Variants in DCD observed in about 807,000 individuals in gnomAD.
The protein encoded by DCD is dermcidin, also known as diffusible survival/evasion peptide.
Under a neutral mutation model 14.5 loss-of-function variants are expected in DCD, and 17 were observed. The observed-to-expected ratio is 1.18, with a 90% CI of 0.81 to 1.76. The LOEUF (loss-of-function observed/expected upper bound fraction) is 1.76, where lower values mean the gene tolerates loss of function less well. DCD is among the 40% of genes most tolerant of loss of function. The pLI is 0.00. For missense variants in DCD, 139 were observed against 133.4 expected (o/e 1.04, Z -0.21); for synonymous variants, 64 against 54.0 (o/e 1.19, Z -0.82).
Position 54,644,624 on chromosome 12 carries a change from ATTTT to A in DCD, c.*85_*88del, listed in dbSNP as rs11338265. 834 of 649,628 alleles carry A rather than the reference ATTTT, an allele frequency of 1.3e-3. No individual in the cohort carries two copies. Among genetic ancestry groups the A allele is most frequent in the Non-Finnish European group, 1.5e-3 (600 of 393,732 alleles). The allele number at this position is 649,628 out of a possible 1,614,324, so 40.2% of individuals were successfully genotyped here. A position where few individuals can be genotyped will look rare whatever the true frequency, so the allele number is the denominator to read the frequency against. On this transcript the variant is annotated 3_prime_UTR_variant, in exon 5 of 5. Coordinates refer to ENST00000293371, the MANE Select transcript of DCD (RefSeq NM_053283.4). Reference sequence around the variant, plus strand: ...GCTTTCAGTTTAATAGCTGTTTTAAATTTTTTTTTTTTTTTTTTTTTTTAGGTTT... The same window carrying A: ...GCTTTCAGTTTAATAGCTGTTTTAAATTTTTTTTTTTTTTTTTTTAGGTTT...
In DCD at chr12:54,648,291, T is replaced by G; in HGVS notation, c.13A>C (p.Thr5Pro). The change falls in exon 1 of 5, where the codon ACT becomes CCT. Residue 5 changes from threonine to proline, a missense_variant. Physicochemically the swap from Thr to Pro is conservative, Grantham distance 38. Transcript: ENST00000293371. Reference protein sequence around the residue: MRFMTLLFLTALAGA... With the variant: MRFMPLLFLTALAGA... ...GCCAGAGCTGTCAGGAAGAGGAGAG[T>G]CATGAACCTCATGCTTCTGTGTGCT... is the stretch of plus-strand genomic sequence containing the variant. 6.2e-7 allele frequency: 1 copy of G among 1,613,226 alleles called. No homozygotes were observed. The highest frequency in any genetic ancestry group is 8.5e-7 in the Non-Finnish European group (1 of 1,179,776).
chr12:54,648,002 T>C (rs1332448734), intron 1 of DCD, among the ~76,000 whole-genome samples: 1 of 152,122 alleles, frequency 6.6e-6, no homozygotes. Flanking sequence ...CCAGAGTGGT[T>C]GGAGCAGAGT....
In DCD at chr12:54,647,137, G is replaced by T; in HGVS notation, c.81C>A (p.Ala27=). 1 of 1,562,394 alleles carries T rather than the reference G, an allele frequency of 6.4e-7. No individual in the cohort carries two copies. The highest frequency in any genetic ancestry group is 2.4e-5 in the East Asian group (1 of 42,068). ...VCAYDPEAAS[A]PGSGNPCHEA... ...AGGACTCACGGTTCCCCGATCCTGGGGCAGAGGCGGCCTCTGGATCATCTG... is the reference window on the plus strand; with the variant it reads ...AGGACTCACGGTTCCCCGATCCTGGTGCAGAGGCGGCCTCTGGATCATCTG... The change falls in exon 2 of 5, where the codon GCC becomes GCA. Residue 27 remains alanine (A), a synonymous_variant. Coordinates refer to ENST00000293371, the MANE Select transcript of DCD (RefSeq NM_053283.4).
Position 54,645,711 on chromosome 12 carries a change from C to G in DCD, c.98-4G>C. On this transcript the variant is annotated splice_region_variant and splice_polypyrimidine_tract_variant and intron_variant, in intron 2 of 4. Coordinates refer to ENST00000293371, the MANE Select transcript of DCD (RefSeq NM_053283.4). ...GCTGCTGATGCTTCATGGCAAGCTGCAAGGGTAAGGGAGTGAGAGGAATAA... is the reference window on the plus strand; with the variant it reads ...GCTGCTGATGCTTCATGGCAAGCTGGAAGGGTAAGGGAGTGAGAGGAATAA... The G allele has an allele frequency of 6.2e-7, 1 of 1,613,092 alleles. No individual in the cohort carries two copies. The highest frequency in any genetic ancestry group is 8.5e-7 in the Non-Finnish European group (1 of 1,179,118).
chr12:54,647,764 C>T (rs936367627), intron 1 of DCD, among the ~76,000 whole-genome samples: 2 of 152,050 alleles, frequency 1.3e-5, no homozygotes, highest in Non-Finnish European at 2.9e-5. Flanking sequence ...AGGAAAAATA[C>T]AGGAGGCAAG....
At position 54,644,645 on chromosome 12, in the gene DCD, TTTA is replaced by T; in HGVS notation, c.*65_*67del. The T allele has an allele frequency of 2.2e-5, 23 of 1,049,552 alleles. No homozygotes were observed. The highest frequency in any genetic ancestry group is 6.4e-5 in the South Asian group (4 of 62,292). The allele number at this position is 1,049,552 out of a possible 1,614,324, so 65.0% of individuals were successfully genotyped here. On this transcript the variant is annotated 3_prime_UTR_variant, in exon 5 of 5. Coordinates refer to ENST00000293371, the MANE Select transcript of DCD (RefSeq NM_053283.4). Reference sequence around the variant, plus strand: ...TTAAATTTTTTTTTTTTTTTTTTTTTTTAGGTTTTAGGCTGAAGACGTAAAGCC... The same window carrying T: ...TTAAATTTTTTTTTTTTTTTTTTTTTGGTTTTAGGCTGAAGACGTAAAGCC...
chr12:54,645,053 G>A, intron 4 of DCD, 120 bp downstream of exon 4: 1 of 1,482,840 alleles, frequency 6.7e-7, no homozygotes, highest in Non-Finnish European at 9.3e-7. Context: ...TGAGGAATTG[G>A]AGACATTTGA....
intron 2 of DCD, among the ~76,000 whole-genome samples, chr12:54,646,567 G>T (rs1958262884): frequency 2.6e-5 from 4 of 152,134 alleles, no homozygotes. Context: ...ACAGGTAGGG[G>T]TTGAAAAGGT....
At position 54,645,673 on chromosome 12, in the gene DCD, A is replaced by C. The variant is rs1324484181; in HGVS notation, c.132T>G (p.Asn44Lys). ...TGGCTAACCCTGGGTCTTCACCTGC[A>C]TTTTCCTTTTGAGCTGCTGATGCTT... ...CHEASAAQKE[N>K]AGEDPGLARQ... Residue 44 changes from asparagine to lysine, a missense_variant, in exon 3 of 5, where the codon AAT becomes AAG. Physicochemically the swap from Asn to Lys is moderately conservative, Grantham distance 94. Transcript: ENST00000293371. The C allele has an allele frequency of 6.2e-6, 10 of 1,613,988 alleles. No homozygotes were observed. The highest frequency in any genetic ancestry group is 1.3e-5 in the African/African-American group (1 of 74,898).
At chr12:54,647,082 C>A in intron 2 of DCD, 39 bp downstream of exon 2, 1 of 1,547,648 alleles carries the variant, frequency 6.5e-7, no homozygotes, top group East Asian at 2.4e-5. Flanking sequence ...ATTAACCCTC[C>A]CACCCAGGAC....
chr12:54,645,273 T>C lies in DCD; in HGVS notation c.200-11A>G. On this transcript the variant is annotated splice_polypyrimidine_tract_variant and intron_variant, in intron 3 of 4. Transcript: ENST00000293371. ...CGTCTAGGCCTTTTTCTAGGGTGGA[T>C]TCAGAAAAGAAGAGGTCATAGAAGC... 6 of 1,613,142 alleles carry C rather than the reference T, an allele frequency of 3.7e-6. No homozygotes were observed. The highest frequency in any genetic ancestry group is 5.1e-6 in the Non-Finnish European group (6 of 1,179,160).
intron 1 of DCD, 40 bp from the exon 2 acceptor site, chr12:54,647,199 A>T (rs758046635): frequency 1.9e-6 from 3 of 1,549,690 alleles, no homozygotes; most frequent in Non-Finnish European, 2.6e-6. Flanking sequence ...AGTAGGGCAC[A>T]GTTGCATGAG....
In DCD at chr12:54,645,716, G is replaced by T. The variant is rs1385145652; in HGVS notation, c.98-9C>A. On this transcript the variant is annotated splice_polypyrimidine_tract_variant and intron_variant, in intron 2 of 4. Coordinates refer to ENST00000293371, the MANE Select transcript of DCD (RefSeq NM_053283.4). Reference sequence around the variant, plus strand: ...TGATGCTTCATGGCAAGCTGCAAGGGTAAGGGAGTGAGAGGAATAATAGCT... The same window carrying T: ...TGATGCTTCATGGCAAGCTGCAAGGTTAAGGGAGTGAGAGGAATAATAGCT... The T allele has an allele frequency of 6.2e-7, 1 of 1,611,164 alleles. No homozygotes were observed. Among genetic ancestry groups the T allele is most frequent in the Non-Finnish European group, 8.5e-7 (1 of 1,177,344 alleles).
At chr12:54,645,021 A>T in intron 4 of DCD, 152 bp downstream of exon 4, 1 of 1,503,430 alleles carries the variant, frequency 6.7e-7, no homozygotes, top group Non-Finnish European at 9.1e-7. Context: ...ATATCAGACA[A>T]GAATGGCAAT....
rs754463683 is a variant in DCD, at chr12:54,645,230, C to T, written c.232G>A (p.Gly78Arg). 5 of 1,613,952 alleles carry T rather than the reference C, an allele frequency of 3.1e-6. No individual in the cohort carries two copies. The highest frequency in any genetic ancestry group is 2.7e-5 in the African/African-American group (2 of 74,884). ...KGLDGAKKAV[G>R]GLGKLGKDAV... ...TCTTTTCCTAGTTTTCCGAGTCCCC[C>T]CACAGCTTTTTTTGCTCCGTCTAGG... The change falls in exon 4 of 5, where the codon GGG becomes AGG. Residue 78 changes from glycine (G) to arginine (R), a missense_variant. By Grantham distance (125) the Gly-to-Arg change is moderately radical. Transcript: ENST00000293371.
At chr12:54,644,876 G>T (rs938273257) in intron 4 of DCD, 120 bp from the exon 5 acceptor site, 11 of 1,551,060 alleles carry the variant, frequency 7.1e-6, no homozygotes, top group Non-Finnish European at 8.7e-6. Context: ...AGGCCTGGAG[G>T]TGCTTACACA....
chr12:54,646,443 TG>T (rs1376183347), intron 2 of DCD, among the ~76,000 whole-genome samples: 1 of 151,948 alleles, frequency 6.6e-6, no homozygotes, highest in Non-Finnish European at 1.5e-5. Flanking sequence ...CTGCTATATA[TG>T]GGAAGCCCAG....
At chr12:54,648,112 A>C in intron 1 of DCD, 134 bp downstream of exon 1, 1 of 924,154 alleles carries the variant, frequency 1.1e-6, no homozygotes, top group Non-Finnish European at 1.7e-6. Context: ...TGGAGAACCT[A>C]GTGGGAGGCA....
intron 3 of DCD, 64 bp downstream of exon 3, chr12:54,645,542 C>T: frequency 1.4e-6 from 2 of 1,435,022 alleles, no homozygotes; most frequent in South Asian, 2.4e-5. Context: ...GGCAGACTGG[C>T]CCCCAGATAT....
Sources: allele counts gnomAD v4.1 joint callset (sites outside exome capture counted in the v4.1 genomes callset), GRCh38; gene constraint gnomAD v4.1.1; transcripts MANE v1.5; gene names NCBI Gene and HGNC (gene_info 2026-07-23, HGNC 2026-07-21).